Variants in CCDC138 observed in about 807,000 individuals in gnomAD.
The protein encoded by CCDC138 is coiled-coil domain-containing protein 138.
Under a neutral mutation model 82.3 loss-of-function variants are expected in CCDC138, and 66 were observed. The observed-to-expected ratio is 0.80, with a 90% CI of 0.66 to 0.98. The LOEUF (loss-of-function observed/expected upper bound fraction) is 0.98. CCDC138 is among the 50% of genes least tolerant of loss of function. CCDC138 has a pLI of 0.00. For synonymous variants in CCDC138, 297 were observed against 265.4 expected (o/e 1.12, Z -1.16); for missense variants, 816 against 758.9 (o/e 1.08, Z -0.88).
At chr2:108,787,936 T>A in intron 1 of CCDC138, 96 bp from the exon 2 acceptor site, 1 of 1,070,950 alleles carries the variant, frequency 9.3e-7, no homozygotes, top group Non-Finnish European at 1.3e-6. Flanking sequence ...TTCTCCACTC[T>A]AACCTTTGTA....
At chr2:108,882,424 T>G (rs971635222) in intron 1 of CCDC138, 2 of 152,188 alleles carry the variant, frequency 1.3e-5, no homozygotes, top group African/African-American at 4.8e-5. Flanking sequence ...ACCCTTCTGA[T>G]GAACAGACAG....
chr2:108,839,363 T>C, intron 11 of CCDC138, 62 bp downstream of exon 11: 1 of 1,332,150 alleles, frequency 7.5e-7, no homozygotes, highest in Non-Finnish European at 1.0e-6. Flanking sequence ...TTCTTGATCT[T>C]GTTTCACAAT....
intron 7 of CCDC138, among the ~76,000 whole-genome samples, chr2:108,809,087 T>C (rs574472656): frequency 2.6e-5 from 4 of 152,312 alleles, no homozygotes; most frequent in Non-Finnish European, 5.9e-5. Flanking sequence ...TCTCCCTTAT[T>C]AATGTTGTTG....
chr2:108,791,278 C>T (rs553364270), intron 3 of CCDC138, among the ~76,000 whole-genome samples: 2 of 152,268 alleles, frequency 1.3e-5, no homozygotes, highest in African/African-American at 4.8e-5. Flanking sequence ...TCTAGTTCTG[C>T]TCCACTTTCT....
At chr2:108,823,779 A>G (rs1386104711) in intron 10 of CCDC138, among the ~76,000 whole-genome samples, 1 of 152,196 alleles carries the variant, frequency 6.6e-6, no homozygotes, top group Non-Finnish European at 1.5e-5. Context: ...CAGGAGTTCG[A>G]GACCAGCCTG....
downstream of CCDC138, among the ~76,000 whole-genome samples, chr2:108,881,399 G>T (rs989292564): frequency 1.3e-5 from 2 of 152,216 alleles, no homozygotes; most frequent in African/African-American, 4.8e-5. Context: ...TATTGTGGCC[G>T]ATTTGTATCA....
chr2:108,883,349 A>C (rs986599033), intron 2 of CCDC138: 4 of 152,216 alleles, frequency 2.6e-5, no homozygotes. Context: ...AAGAATGTGC[A>C]CTATTTACTG....
chr2:108,832,425 G>C (rs141399441), intron 10 of CCDC138, among the ~76,000 whole-genome samples: 2 of 141,550 alleles, frequency 1.4e-5, no homozygotes, highest in African/African-American at 5.3e-5. Context: ...TCGGCTCACC[G>C]CAACCTCTGC....
Position 108,864,714 on chromosome 2 carries a change from C to G in CCDC138, c.1693+7744C>G, listed in dbSNP as rs1574291251. On this transcript the variant is annotated intron_variant, in intron 13 of 14. Coordinates refer to ENST00000295124, the MANE Select transcript of CCDC138 (RefSeq NM_144978.3). The stretch of plus-strand genomic sequence containing the variant: ...GAGGCTGAGGCAGGAGAATCACTTG[C>G]ACCCAGGAGGCGGAGGTTGCAGTGA... Among the ~76,000 whole-genome samples the G allele has an allele frequency of 4.6e-5, 7 of 151,010 alleles. No individual in the cohort carries two copies. In the South Asian group the frequency reaches 1.5e-3, roughly 32 times the overall value.
chr2:108,831,138 T>TA (rs1189466515), intron 10 of CCDC138, among the ~76,000 whole-genome samples: 3 of 151,436 alleles, frequency 2.0e-5, no homozygotes, highest in African/African-American at 7.3e-5. Context: ...TCATGCTGCT[T>TA]ACTGCACTCC....
chr2:108,839,890 G>T (rs1160465041), intron 11 of CCDC138, among the ~76,000 whole-genome samples: 1 of 151,652 alleles, frequency 6.6e-6, no homozygotes, highest in African/African-American at 2.4e-5. Flanking sequence ...ATTAGCTAGA[G>T]TTTCCAGCAG....
chr2:108,837,367 A>G (rs893585365), intron 10 of CCDC138, among the ~76,000 whole-genome samples: 3 of 152,218 alleles, frequency 2.0e-5, no homozygotes, highest in African/African-American at 7.2e-5. Context: ...CCGTCCTTGC[A>G]TTGCAAGAAT....
intron 11 of CCDC138, among the ~76,000 whole-genome samples, chr2:108,845,680 T>C (rs559694293): frequency 2.6e-5 from 4 of 151,330 alleles, no homozygotes; most frequent in African/African-American, 7.3e-5. Context: ...CACACCATTC[T>C]CCTGTCTCAG....
chr2:108,806,507 G>A (rs1049209366), intron 7 of CCDC138, among the ~76,000 whole-genome samples: 3 of 152,160 alleles, frequency 2.0e-5, no homozygotes, highest in Non-Finnish European at 4.4e-5. Context: ...TAGATCAGAG[G>A]TCAGCACGCT....
At chr2:108,789,321 G>A (rs929670323) in intron 3 of CCDC138, among the ~76,000 whole-genome samples, 6 of 152,118 alleles carry the variant, frequency 3.9e-5, no homozygotes, top group African/African-American at 1.4e-4. Flanking sequence ...GGCCAGGTGC[G>A]GTGGCTCACG....
At chr2:108,836,936 A>T (rs534396368) in intron 10 of CCDC138, among the ~76,000 whole-genome samples, 2 of 151,658 alleles carry the variant, frequency 1.3e-5, no homozygotes, top group Non-Finnish European at 2.9e-5. Context: ...TGCTGAATTT[A>T]TGTATTCTTT....
At chr2:108,798,816 T>TACACACAC (rs61201793) in intron 6 of CCDC138, among the ~76,000 whole-genome samples, 5,553 of 131,530 alleles carry the variant, frequency 0.042, 205 homozygotes, top group East Asian at 0.14. Context: ...TCTCCACACC[T>TACACACAC]ACACACACAC....
chr2:108,840,399 A>G (rs1234477075), intron 11 of CCDC138, among the ~76,000 whole-genome samples: 1 of 152,188 alleles, frequency 6.6e-6, no homozygotes, highest in Non-Finnish European at 1.5e-5. Flanking sequence ...GAAATTATGT[A>G]GACTAAGTGT....
chr2:108,797,836 A>G (rs1681157325), intron 5 of CCDC138, among the ~76,000 whole-genome samples: 1 of 152,198 alleles, frequency 6.6e-6, no homozygotes, highest in Non-Finnish European at 1.5e-5. Context: ...CTCAAAATAG[A>G]CACTTTGGAG....
Sources: allele counts gnomAD v4.1 joint callset (sites outside exome capture counted in the v4.1 genomes callset), GRCh38; gene constraint gnomAD v4.1.1; transcripts MANE v1.5; gene names NCBI Gene and HGNC (gene_info 2026-07-23, HGNC 2026-07-21).